The following MAPK9 variants were observed in gnomAD, a reference collection of about 807,000 sequenced individuals.
MAPK9 encodes mitogen-activated protein kinase 9.
In MAPK9, 30 loss-of-function variants were observed where a neutral mutation model predicts 57.1. That is an observed-to-expected ratio of 0.53 (90% CI 0.39 to 0.71). The LOEUF (loss-of-function observed/expected upper bound fraction) is 0.71, where lower values mean the gene tolerates loss of function less well. Among genes scored for constraint, MAPK9 ranks in the 30% least tolerant of loss-of-function variants. The pLI, the probability that MAPK9 is intolerant of heterozygous loss-of-function variation, is 0.00. For synonymous variants in MAPK9, 155 were observed against 177.0 expected, an observed-to-expected ratio of 0.88 and a Z score of 0.99; for missense variants, 362 against 521.0, an observed-to-expected ratio of 0.69 and a Z score of 2.97.
At chr5:180,243,624 T>A (rs1757830205) in intron 7 of MAPK9, among the ~76,000 whole-genome samples, 1 of 152,150 alleles carries the variant, frequency 6.6e-6, no homozygotes, top group South Asian at 2.1e-4. Context: ...TGAACTTACA[T>A]CACCATGAAA....
At chr5:180,270,858 CAAAAAAAAAAAA>C (rs761904802) in intron 2 of MAPK9, among the ~76,000 whole-genome samples, 3 of 83,042 alleles carry the variant, frequency 3.6e-5, no homozygotes, top group Admixed American at 1.3e-4. Context: ...CCCAGGGTCT[CAAAAAAAAAAAA>C]AAAGAAAAAG....
rs568488906 is a variant in MAPK9 at position 180,241,304 on chromosome 5, A to ATT, written c.872-151_872-150dup. 7.5e-3 allele frequency: 3,896 copies of ATT among 522,154 alleles called. 27 individuals are homozygous for ATT. The highest frequency in any genetic ancestry group is 0.04 in the East Asian group (817 of 20,260). The allele number at this position is 522,154 out of a possible 1,614,324, so 32.3% of individuals were successfully genotyped here. On this transcript the variant is annotated intron_variant, in intron 8 of 11. Transcript: ENST00000452135. ...AGGTTCAAGATGAATATAACCCAAA[A>ATT]TTTTTTTTTTTTTTTTCGGAGACGG...
At chr5:180,261,210 A>C (rs981324070) in intron 5 of MAPK9, among the ~76,000 whole-genome samples, 2 of 152,204 alleles carry the variant, frequency 1.3e-5, no homozygotes, top group Non-Finnish European at 2.9e-5. Context: ...TTTTAGGATA[A>C]GAGAAATGGA....
chr5:180,251,131 T>A (rs764375135), intron 5 of MAPK9, among the ~76,000 whole-genome samples: 13 of 152,028 alleles, frequency 8.6e-5, no homozygotes, highest in Non-Finnish European at 1.3e-4. Flanking sequence ...GCAAGCAGAC[T>A]CGGTGCTGGC....
At chr5:180,248,831 T>C in intron 6 of MAPK9, 142 bp downstream of exon 6, 1 of 744,570 alleles carries the variant, frequency 1.3e-6, no homozygotes, top group East Asian at 3.0e-5. Flanking sequence ...AATTATTTCT[T>C]ATCTCTGGAT....
chr5:180,261,475 T>C (rs1293439679), intron 5 of MAPK9, among the ~76,000 whole-genome samples: 1 of 152,258 alleles, frequency 6.6e-6, no homozygotes, highest in Non-Finnish European at 1.5e-5. Flanking sequence ...GCGCAGTACC[T>C]GGCTGTGTCC....
intron 3 of MAPK9, among the ~76,000 whole-genome samples, chr5:180,266,337 G>A (rs1760545594): frequency 1.4e-5 from 2 of 147,080 alleles, no homozygotes; most frequent in African/African-American, 5.0e-5. Context: ...TTTTTGAGAT[G>A]GAGTTTCATT....
chr5:180,273,588 C>T (rs1025310832), intron 2 of MAPK9, among the ~76,000 whole-genome samples: 3 of 152,172 alleles, frequency 2.0e-5, no homozygotes, highest in African/African-American at 7.2e-5. Context: ...ATCATGAAGA[C>T]ATTCTCCTAT....
intron 4 of MAPK9, 132 bp from the exon 5 acceptor site, chr5:180,261,954 CT>C: frequency 3.0e-6 from 2 of 664,788 alleles, no homozygotes; most frequent in Non-Finnish European, 4.6e-6. Flanking sequence ...TATAATGGAA[CT>C]TTCTAAAAAT....
rs143862644 is a variant in MAPK9 at position 180,247,925 on chromosome 5, C to T, written c.617-415G>A. 5.6e-6 allele frequency: 9 copies of T among 1,613,174 alleles called. No individual in the cohort carries two copies. Among genetic ancestry groups the T allele is most frequent in the Non-Finnish European group, 6.8e-6 (8 of 1,179,798 alleles). ...TGATGCACCCGACAGACCAGATGTC[C>T]ACTACCAAACACCAGGGGATTAAAA... is the stretch of plus-strand genomic sequence containing the variant. On this transcript the variant is annotated intron_variant, in intron 6 of 11. Coordinates refer to ENST00000452135, the MANE Select transcript of MAPK9 (RefSeq NM_002752.5). This position sits in a 1 kb window ranked among gnomAD's most constrained non-coding sequence, Gnocchi z 4.5.
intron 10 of MAPK9, 127 bp from the exon 11 acceptor site, chr5:180,238,530 A>G: frequency 1.5e-6 from 1 of 651,418 alleles, no homozygotes; most frequent in Non-Finnish European, 2.7e-6. Context: ...TGTAAGACAG[A>G]GTCAATTCAG....
At chr5:180,281,388 G>A (rs1762302992) in intron 1 of MAPK9, among the ~76,000 whole-genome samples, 1 of 152,252 alleles carries the variant, frequency 6.6e-6, no homozygotes, top group Non-Finnish European at 1.5e-5. Context: ...CACAGGCTGA[G>A]ACTGCTGCTC....
rs373012215 is a variant in MAPK9 at position 180,247,806 on chromosome 5, G to A, written c.617-296C>T. 1.3e-4 allele frequency: 201 copies of A among 1,574,040 alleles called. 1 individual carries two copies. The highest frequency in any genetic ancestry group is 1.7e-4 in the Non-Finnish European group (191 of 1,144,014). On this transcript the variant is annotated intron_variant, in intron 6 of 11. Transcript: ENST00000452135. The surrounding 1 kb of genome is among the most constrained non-coding windows in gnomAD (Gnocchi z 4.5). ...AACACAAAGCTTTTCAGGGCCACAC[G>A]CCCACCCCAGCCTCCATGGCCAAGT...
intron 4 of MAPK9, among the ~76,000 whole-genome samples, chr5:180,262,324 C>T (rs1401892763): frequency 6.6e-6 from 1 of 152,158 alleles, no homozygotes; most frequent in Non-Finnish European, 1.5e-5. Context: ...GGACACTTGA[C>T]CCCACTCCCC....
chr5:180,267,977 C>A (rs1256636104), intron 3 of MAPK9, among the ~76,000 whole-genome samples: 3 of 152,050 alleles, frequency 2.0e-5, no homozygotes, highest in Non-Finnish European at 2.9e-5. Context: ...ATTCTCCCAC[C>A]TCACCCTCCT....
At chr5:180,240,613 T>C (rs1757566215) in intron 9 of MAPK9, among the ~76,000 whole-genome samples, 1 of 152,058 alleles carries the variant, frequency 6.6e-6, no homozygotes, top group Non-Finnish European at 1.5e-5. Flanking sequence ...AAACTCAGAG[T>C]GGAGCTCCTC....
Position 180,236,089 on chromosome 5 carries a change from T to C in MAPK9, c.*295A>G, listed in dbSNP as rs1165224394. 1 of 224,636 alleles carries C rather than the reference T, an allele frequency of 4.5e-6. No individual in the cohort carries two copies. Among genetic ancestry groups the C allele is most frequent in the Non-Finnish European group, 8.7e-6 (1 of 114,618 alleles). The allele number at this position is 224,636 out of a possible 1,614,324, so 13.9% of individuals were successfully genotyped here. ...CATACATCTCAACAGTTACAGATGA[T>C]GAGAAACTGTCACTAGTACAATTTG... On this transcript the variant is annotated 3_prime_UTR_variant, in exon 12 of 12. Transcript: ENST00000452135.
chr5:180,242,853 C>A, intron 7 of MAPK9, 98 bp from the exon 8 acceptor site: 1 of 847,136 alleles, frequency 1.2e-6, no homozygotes. Flanking sequence ...TCGACTAGGC[C>A]ACCCCACTGG....
Position 180,241,019 on chromosome 5 carries a change from A to T in MAPK9, c.996+12T>A, listed in dbSNP as rs1168489814. On this transcript the variant is annotated intron_variant, in intron 9 of 11. Transcript: ENST00000452135. ...GCCTCTCTATATAAATCTTTTCAAA[A>T]CAGATACTCACGGCTTCTGCTTCGG... The T allele has an allele frequency of 2.5e-6, 4 of 1,610,172 alleles. No homozygotes were observed. Among genetic ancestry groups the T allele is most frequent in the Admixed American group, 3.4e-5 (2 of 59,202 alleles).
Sources: allele counts gnomAD v4.1 joint callset (sites outside exome capture counted in the v4.1 genomes callset), GRCh38; gene constraint gnomAD v4.1.1; non-coding constraint Gnocchi (gnomAD v3.1); transcripts MANE v1.5; gene names NCBI Gene and HGNC (gene_info 2026-07-23, HGNC 2026-07-21).